Variants in CWF19L2 observed in about 807,000 individuals in gnomAD.
CWF19L2 encodes CWF19-like protein 2.
In CWF19L2, 98 loss-of-function variants were observed where a neutral mutation model predicts 111.7. That is an observed-to-expected ratio of 0.88 (90% CI 0.75 to 1.04). CWF19L2 has a LOEUF of 1.04. Ranked by LOEUF, CWF19L2 falls within the 50% of genes least tolerant of loss-of-function variation. CWF19L2 has a pLI of 0.00. For missense variants in CWF19L2, 1,101 were observed against 1,051.4 expected (o/e 1.05, Z -0.65); for synonymous variants, 351 against 342.9 (o/e 1.02, Z -0.26).
chr11:107,424,511 A>G (rs1038956180), intron 8 of CWF19L2, among the ~76,000 whole-genome samples: 20 of 151,748 alleles, frequency 1.3e-4, no homozygotes, highest in African/African-American at 4.3e-4. Flanking sequence ...ATCCATCCAA[A>G]GCGCACATCT....
chr11:107,332,813 T>C (rs1859869297), intron 16 of CWF19L2, among the ~76,000 whole-genome samples: 1 of 152,118 alleles, frequency 6.6e-6, no homozygotes, highest in Non-Finnish European at 1.5e-5. Context: ...TCCATCCACA[T>C]AATTATAAAA....
At chr11:107,385,035 A>G (rs1253080318) in intron 12 of CWF19L2, among the ~76,000 whole-genome samples, 2 of 152,238 alleles carry the variant, frequency 1.3e-5, no homozygotes, top group African/African-American at 2.4e-5. Context: ...AACTTTTAAG[A>G]GTGAAAGGAT....
At chr11:107,351,577 G>C (rs572466274) in intron 13 of CWF19L2, among the ~76,000 whole-genome samples, 1 of 152,296 alleles carries the variant, frequency 6.6e-6, no homozygotes, top group African/African-American at 2.4e-5. Flanking sequence ...TTCAGAGAAA[G>C]ATATCTCTGT....
chr11:107,388,812 A>G (rs1322391540), intron 12 of CWF19L2, among the ~76,000 whole-genome samples: 7 of 152,212 alleles, frequency 4.6e-5, no homozygotes, highest in Admixed American at 4.6e-4. Flanking sequence ...TGAAAAGGAA[A>G]CTCTAATAAA....
chr11:107,397,377 G>C (rs2135381345), intron 10 of CWF19L2, among the ~76,000 whole-genome samples: 1 of 152,230 alleles, frequency 6.6e-6, no homozygotes, highest in Non-Finnish European at 1.5e-5. Flanking sequence ...GCTGGGTGAG[G>C]CCTGTGACTG....
chr11:107,346,095 C>T (rs1331054584), intron 14 of CWF19L2, among the ~76,000 whole-genome samples: 1 of 152,068 alleles, frequency 6.6e-6, no homozygotes, highest in Non-Finnish European at 1.5e-5. Context: ...TGTTGCAGGT[C>T]CTTTTGTATC....
chr11:107,442,303 A>C (rs1274115974), intron 4 of CWF19L2, among the ~76,000 whole-genome samples: 1 of 152,186 alleles, frequency 6.6e-6, no homozygotes, highest in African/African-American at 2.4e-5. Flanking sequence ...TTGTTTTCAA[A>C]GTCTAATTGT....
chr11:107,337,542 A>G (rs1292356581), intron 14 of CWF19L2, among the ~76,000 whole-genome samples: 1 of 152,140 alleles, frequency 6.6e-6, no homozygotes, highest in Non-Finnish European at 1.5e-5. Context: ...ATCGAAAGAA[A>G]GGGGAACAGG....
intron 8 of CWF19L2, 97 bp from the exon 9 acceptor site, chr11:107,418,384 G>A: frequency 2.6e-6 from 2 of 772,878 alleles, no homozygotes; most frequent in Non-Finnish European, 4.7e-6. Flanking sequence ...CCTCAACAAA[G>A]CATTCAGTAC....
At position 107,404,550 on chromosome 11, in the gene CWF19L2, C is replaced by T. The variant is rs544468212; in HGVS notation, c.1618-11655G>A. On this transcript the variant is annotated intron_variant, in intron 10 of 17. Coordinates refer to ENST00000282251, the MANE Select transcript of CWF19L2 (RefSeq NM_152434.3). ...GTGCTGGGCATTTGTGTTGCAGGAG[C>T]TGGGGTGGGAGGTGGGGCATAAGAT... The T allele has an allele frequency of 4.9e-5, 33 of 673,036 alleles. No homozygotes were observed. In the African/African-American group the frequency reaches 5.0e-4, roughly 10 times the overall value. 41.7% of individuals were successfully genotyped at this position (673,036 alleles called of 1,614,324 possible). A position where few individuals can be genotyped will look rare whatever the true frequency, so the allele number is the denominator to read the frequency against.
intron 8 of CWF19L2, among the ~76,000 whole-genome samples, chr11:107,425,217 A>ACAC (rs1861358425): frequency 3.4e-5 from 4 of 116,480 alleles, no homozygotes; most frequent in South Asian, 2.7e-4. Context: ...CACACACACA[A>ACAC]AGAGGTTGAA....
At position 107,445,633 on chromosome 11, in the gene CWF19L2, A is replaced by T. The variant is rs527898763; in HGVS notation, c.340-2584T>A. Among the ~76,000 whole-genome samples, 20 of 151,156 alleles carry T rather than the reference A, an allele frequency of 1.3e-4. No homozygotes were observed. The East Asian group carries it at 3.5e-3, about 27-fold the overall frequency. ...AAAAAAAAAAAAGTAGTAGCCCTAG[A>T]TCAGATCTTATCTCTCACCTAAACA... On this transcript the variant is annotated intron_variant, in intron 3 of 17. Transcript: ENST00000282251.
At chr11:107,449,693 A>C (rs898389421) in intron 3 of CWF19L2, among the ~76,000 whole-genome samples, 1 of 152,076 alleles carries the variant, frequency 6.6e-6, no homozygotes, top group Non-Finnish European at 1.5e-5. Flanking sequence ...AGCAGTCATT[A>C]AAAATAAATA....
At position 107,385,068 on chromosome 11, in the gene CWF19L2, G is replaced by T. The variant is rs550405220; in HGVS notation, c.1872+5006C>A. 1.1e-4 allele frequency among the ~76,000 whole-genome samples: 16 copies of T among 152,192 alleles called. No homozygotes were observed. The South Asian group carries it at 3.3e-3, about 32-fold the overall frequency. On this transcript the variant is annotated intron_variant, in intron 12 of 17. Transcript: ENST00000282251. ...GATTAGGCACAGTATTCTTAGAAAT[G>T]GCCAACACTTCAAATACTTTCTTTT...
chr11:107,392,370 G>A (rs657958), intron 11 of CWF19L2, among the ~76,000 whole-genome samples: 81,795 of 151,896 alleles, frequency 0.54, 23,076 homozygotes, highest in African/African-American at 0.72. Flanking sequence ...AAGGATCATG[G>A]CACCTACATA....
chr11:107,352,356 A>C (rs1195388788), intron 13 of CWF19L2, among the ~76,000 whole-genome samples: 2 of 152,130 alleles, frequency 1.3e-5, no homozygotes, highest in East Asian at 3.9e-4. Flanking sequence ...TAAAGCTGTA[A>C]GCAACTTGAG....
Position 107,330,689 on chromosome 11 carries a change from C to CACACACACAT in CWF19L2, c.2440-671_2440-670insATGTGTGTGT, listed in dbSNP as rs58207804. Among the ~76,000 whole-genome samples the CACACACACAT allele has an allele frequency of 3.4e-4, 48 of 141,634 alleles. 1 individual carries two copies. Among genetic ancestry groups the CACACACACAT allele is most frequent in the African/African-American group, 1.2e-3 (43 of 36,440 alleles). The allele number at this position is 141,634 out of a possible 152,430, so 92.9% of individuals were successfully genotyped here. A position where few individuals can be genotyped will look rare whatever the true frequency, so the allele number is the denominator to read the frequency against. ...ACACACACACACACACACACACACA[C>CACACACACAT]TTTAAACTATTTCATGACTAGGAAA... is the stretch of plus-strand genomic sequence containing the variant. On this transcript the variant is annotated intron_variant, in intron 16 of 17. Transcript: ENST00000282251.
At chr11:107,397,518 G>A (rs774917040) in intron 10 of CWF19L2, among the ~76,000 whole-genome samples, 28 of 151,922 alleles carry the variant, frequency 1.8e-4, no homozygotes, top group East Asian at 1.6e-3. Flanking sequence ...AGCAAGACGC[G>A]CCCACGGAGA....
Position 107,439,154 on chromosome 11 carries a change from CG to C in CWF19L2, c.599del (p.Pro200ArgfsTer26), listed in dbSNP as rs1565285447. 1 of 1,608,390 alleles carries C rather than the reference CG, an allele frequency of 6.2e-7. No individual in the cohort carries two copies. The highest frequency in any genetic ancestry group is 8.5e-7 in the Non-Finnish European group (1 of 1,176,496). On this transcript the variant is annotated frameshift_variant, in exon 6 of 18. Transcript: ENST00000282251. LOFTEE classifies it high-confidence loss of function. ...GACCTGTCCCACCATCCTTCCAGTA[CG>C]GATTCAATTCTCTTTCCATCAGTTT... The part of the protein sequence containing the change: ...QSKLMERELN[P>X]YWKDGGTGLP...
Sources: allele counts gnomAD v4.1 joint callset (sites outside exome capture counted in the v4.1 genomes callset), GRCh38; gene constraint gnomAD v4.1.1; transcripts MANE v1.5; gene names NCBI Gene and HGNC (gene_info 2026-07-23, HGNC 2026-07-21).